PHTF2: variants seen among roughly 807,000 people sequenced by gnomAD.
The protein encoded by PHTF2 is putative homeodomain transcription factor 2, also known as protein PHTF2.
Under a neutral mutation model 101.2 loss-of-function variants are expected in PHTF2, and 60 were observed. That is an observed-to-expected ratio of 0.59 (90% CI 0.48 to 0.73). The LOEUF is 0.73. PHTF2 is among the 30% of genes least tolerant of loss of function. PHTF2 has a pLI of 0.00. For missense variants in PHTF2, 747 were observed against 908.7 expected, an observed-to-expected ratio of 0.82 and a Z score of 2.29; for synonymous variants, 311 against 307.3, an observed-to-expected ratio of 1.01 and a Z score of -0.13.
chr7:77,889,887 C>G (rs775757423), intron 3 of PHTF2, among the ~76,000 whole-genome samples: 1 of 152,088 alleles, frequency 6.6e-6, no homozygotes, highest in South Asian at 2.1e-4. Flanking sequence ...GCGTGAGCCA[C>G]CATGCCTGGC....
chr7:77,915,438 C>G (rs1802818904), intron 9 of PHTF2, among the ~76,000 whole-genome samples: 1 of 152,046 alleles, frequency 6.6e-6, no homozygotes, highest in African/African-American at 2.4e-5. Context: ...GTCTCAATCT[C>G]TTGACCTCAC....
chr7:77,843,326 C>G (rs1796030680), intron 2 of PHTF2, among the ~76,000 whole-genome samples: 1 of 152,088 alleles, frequency 6.6e-6, no homozygotes, highest in South Asian at 2.1e-4. Context: ...TTTTCTAAGT[C>G]TCTGATGAAA....
intron 17 of PHTF2, among the ~76,000 whole-genome samples, chr7:77,950,835 G>A (rs539189462): frequency 7.9e-5 from 12 of 152,146 alleles, no homozygotes; most frequent in Non-Finnish European, 1.5e-4. Flanking sequence ...CTTAGCACGA[G>A]TTCTGGCTTA....
At chr7:77,866,184 CAAA>C (rs35744441) in intron 3 of PHTF2, among the ~76,000 whole-genome samples, 9 of 82,390 alleles carry the variant, frequency 1.1e-4, no homozygotes, top group Admixed American at 4.4e-4. Flanking sequence ...ACTACCTCTC[CAAA>C]AAAAAAAAAA....
intron 7 of PHTF2, among the ~76,000 whole-genome samples, chr7:77,904,589 G>GTCC (rs1801684612): frequency 1.3e-5 from 2 of 152,278 alleles, no homozygotes; most frequent in Admixed American, 1.3e-4. Context: ...ACTTGTAGAT[G>GTCC]TCCACCTTCT....
chr7:77,940,732 A>G (rs1805574830), intron 15 of PHTF2, 73 bp downstream of exon 14: 9 of 1,076,070 alleles, frequency 8.4e-6, no homozygotes, highest in East Asian at 5.1e-5. Context: ...TTATCAATAT[A>G]TATTTGTCTC....
At chr7:77,922,778 G>A in exon 11 of PHTF2, 1 of 1,577,534 alleles carries the variant, frequency 6.3e-7, no homozygotes, top group Non-Finnish European at 8.7e-7. Context: ...ACCCTAATGA[G>A]GTATATACTT....
intron 1 of PHTF2, among the ~76,000 whole-genome samples, chr7:77,804,454 T>G (rs1438837419): frequency 6.6e-6 from 1 of 152,154 alleles, no homozygotes; most frequent in Non-Finnish European, 1.5e-5. Context: ...GCCTTGCGAG[T>G]AGCTGGGATT....
intron 11 of PHTF2, 193 bp downstream of exon 10, chr7:77,922,971 C>T (rs998944652): frequency 7.7e-7 from 1 of 1,294,326 alleles, no homozygotes; most frequent in African/African-American, 1.5e-5. Flanking sequence ...GATAGATAGC[C>T]ACACATTTGA....
chr7:77,841,075 C>CTGTTTTTTTTTT (rs1795832088), intron 2 of PHTF2, among the ~76,000 whole-genome samples: 1 of 77,286 alleles, frequency 1.3e-5, no homozygotes, highest in Non-Finnish European at 2.3e-5. Context: ...AAAAAACAGA[C>CTGTTTTTTTTTT]TTTTTTTTTT....
At chr7:77,904,985 T>G (rs1027557673) in intron 7 of PHTF2, among the ~76,000 whole-genome samples, 1 of 152,172 alleles carries the variant, frequency 6.6e-6, no homozygotes, top group Non-Finnish European at 1.5e-5. Flanking sequence ...TAAAACCTTA[T>G]GAGATTTTTT....
intron 13 of PHTF2, among the ~76,000 whole-genome samples, chr7:77,939,089 A>G (rs965863457): frequency 6.6e-6 from 1 of 152,150 alleles, no homozygotes; most frequent in Non-Finnish European, 1.5e-5. Context: ...TATCTAATAT[A>G]TATTATAAAA....
At chr7:77,873,664 G>A (rs1798705713) in intron 3 of PHTF2, among the ~76,000 whole-genome samples, 6 of 152,132 alleles carry the variant, frequency 3.9e-5, no homozygotes, top group Admixed American at 6.5e-5. Flanking sequence ...TCGGGGAGGG[G>A]ATGTTGCCAC....
chr7:77,846,104 C>T (rs925838676), intron 2 of PHTF2, among the ~76,000 whole-genome samples: 1 of 152,100 alleles, frequency 6.6e-6, no homozygotes, highest in Non-Finnish European at 1.5e-5. Flanking sequence ...TGTGGAGGAC[C>T]GCCATATGGG....
chr7:77,942,638 C>T, intron 15 of PHTF2, 62 bp from the exon 15 acceptor site: 1 of 883,790 alleles, frequency 1.1e-6, no homozygotes, highest in Non-Finnish European at 1.8e-6. Flanking sequence ...TGGAAATTAT[C>T]TGCTGATTAG....
chr7:77,937,187 T>C (rs927354694), intron 12 of PHTF2, among the ~76,000 whole-genome samples: 14 of 152,212 alleles, frequency 9.2e-5, no homozygotes, highest in Non-Finnish European at 1.9e-4. Context: ...AAGAGTCTTT[T>C]TTGGGATAAG....
chr7:77,867,534 A>G (rs1268684415), intron 3 of PHTF2, among the ~76,000 whole-genome samples: 11 of 152,162 alleles, frequency 7.2e-5, no homozygotes, highest in Admixed American at 6.5e-4. Flanking sequence ...GCACTTGATA[A>G]ATGCTGACTA....
intron 3 of PHTF2, among the ~76,000 whole-genome samples, chr7:77,868,858 A>G (rs1798292181): frequency 6.6e-6 from 1 of 152,238 alleles, no homozygotes; most frequent in South Asian, 2.1e-4. Flanking sequence ...TGACTTTTAA[A>G]TGATTTTTGA....
chr7:77,841,657 A>G (rs947683644), intron 2 of PHTF2, among the ~76,000 whole-genome samples: 1 of 152,178 alleles, frequency 6.6e-6, no homozygotes, highest in Non-Finnish European at 1.5e-5. Flanking sequence ...AGAACATGCC[A>G]TAGGTATACA....
Sources: allele counts gnomAD v4.1 joint callset (sites outside exome capture counted in the v4.1 genomes callset), GRCh38; gene constraint gnomAD v4.1.1; transcripts MANE v1.5; gene names NCBI Gene and HGNC (gene_info 2026-07-23, HGNC 2026-07-21).